LGR4: variants seen among roughly 807,000 people sequenced by gnomAD.
LGR4 encodes leucine rich repeat containing G protein-coupled receptor 4, also known as leucine-rich repeat-containing G protein-coupled receptor 4.
LGR4 carries 44 observed loss-of-function variants against 84.8 expected under a neutral mutation model. That is an observed-to-expected ratio of 0.52 (90% CI 0.41 to 0.67). LGR4 has a LOEUF of 0.67. LGR4 is among the 30% of genes least tolerant of loss of function. The pLI is 0.00. For missense variants in LGR4, 1,032 were observed against 1,131.4 expected, an observed-to-expected ratio of 0.91 and a Z score of 1.26; for synonymous variants, 429 against 434.3, an observed-to-expected ratio of 0.99 and a Z score of 0.15.
intron 1 of LGR4, among the ~76,000 whole-genome samples, chr11:27,441,923 TGACA>T (rs1298169436): frequency 6.6e-6 from 1 of 152,120 alleles, no homozygotes; most frequent in Non-Finnish European, 1.5e-5. Flanking sequence ...AGCCAGTAGA[TGACA>T]GTATTTGCGA....
chr11:27,468,644 T>C (rs574212934), intron 1 of LGR4, among the ~76,000 whole-genome samples: 36 of 151,342 alleles, frequency 2.4e-4, no homozygotes, highest in African/African-American at 8.5e-4. Flanking sequence ...GCAGCAGCCT[T>C]AGAGGTGATC....
chr11:27,421,843 A>G (rs1446191873), intron 1 of LGR4, among the ~76,000 whole-genome samples: 1 of 152,220 alleles, frequency 6.6e-6, no homozygotes, highest in African/African-American at 2.4e-5. Context: ...AAAATATAAA[A>G]TGCTCTAATT....
chr11:27,443,920 T>C (rs948699776), intron 1 of LGR4, among the ~76,000 whole-genome samples: 1 of 152,276 alleles, frequency 6.6e-6, no homozygotes, highest in African/African-American at 2.4e-5. Flanking sequence ...ATGGACAAAA[T>C]GCTCCAATGG....
chr11:27,463,612 C>T (rs1267025874), intron 1 of LGR4, among the ~76,000 whole-genome samples: 4 of 151,942 alleles, frequency 2.6e-5, no homozygotes, highest in African/African-American at 9.7e-5. Flanking sequence ...ATGGTGAAAC[C>T]CCGTCTCTAC....
chr11:27,424,463 C>G (rs865795842), intron 1 of LGR4, among the ~76,000 whole-genome samples: 1 of 152,278 alleles, frequency 6.6e-6, no homozygotes, highest in Admixed American at 6.5e-5. Context: ...GGCACCACTG[C>G]ACTCCAGCCT....
chr11:27,426,307 CA>C (rs905547764), intron 1 of LGR4, among the ~76,000 whole-genome samples: 2 of 152,198 alleles, frequency 1.3e-5, no homozygotes, highest in Admixed American at 6.5e-5. Flanking sequence ...GGGGGAAAAG[CA>C]GGAAAGAGAG....
intron 1 of LGR4, among the ~76,000 whole-genome samples, chr11:27,434,295 GAGA>G (rs1455905397): frequency 6.6e-6 from 1 of 152,164 alleles, no homozygotes; most frequent in Non-Finnish European, 1.5e-5. Flanking sequence ...ATGTAAATAA[GAGA>G]AGAATATCTC....
At position 27,372,341 on chromosome 11, in the gene LGR4, A is replaced by G. The variant is rs1193315161; in HGVS notation, c.1437T>C (p.Tyr479=). The change falls in exon 16 of 18, where the codon TAT becomes TAC. Residue 479 remains tyrosine, a synonymous_variant. Coordinates refer to ENST00000379214, the MANE Select transcript of LGR4 (RefSeq NM_018490.5). ...QCCAFWGCDS[Y]ANLNTEDNSL... ...TGTTATCTTCTGTGTTTAAATTTGCATAAGAGTCACAACCCCAAAATGCAC... is the reference window on the plus strand; with the variant it reads ...TGTTATCTTCTGTGTTTAAATTTGCGTAAGAGTCACAACCCCAAAATGCAC... 12 of 1,613,844 alleles carry G rather than the reference A, an allele frequency of 7.4e-6. No individual in the cohort carries two copies. The highest frequency in any genetic ancestry group is 2.2e-5 in the East Asian group (1 of 44,888).
rs910624511 is a variant in LGR4, at chr11:27,400,507, C to CT, written c.258-7990dup. Reference sequence around the variant, plus strand: ...TGTTGTTTTGTGTTATTTTCTTTTCCTTTTTTTTTTTTTGAGAAGGAGTCT... The same window carrying CT: ...TGTTGTTTTGTGTTATTTTCTTTTCCTTTTTTTTTTTTTTGAGAAGGAGTCT... On this transcript the variant is annotated intron_variant, in intron 2 of 17. Coordinates refer to ENST00000379214, the MANE Select transcript of LGR4 (RefSeq NM_018490.5). 6.3e-3 allele frequency among the ~76,000 whole-genome samples: 900 copies of CT among 143,812 alleles called. 8 individuals carry two copies. The highest frequency in any genetic ancestry group is 0.017 in the African/African-American group (668 of 39,444). The allele number at this position is 143,812 out of a possible 152,430, so 94.3% of individuals were successfully genotyped here. A position where few individuals can be genotyped will look rare whatever the true frequency, so the allele number is the denominator to read the frequency against.
At chr11:27,400,182 C>T (rs1590363158) in intron 2 of LGR4, among the ~76,000 whole-genome samples, 2 of 152,118 alleles carry the variant, frequency 1.3e-5, no homozygotes, top group South Asian at 2.1e-4. Flanking sequence ...ATTTAGGATG[C>T]TCAAGCGATG....
chr11:27,370,260 C>T (rs777492735), intron 17 of LGR4, among the ~76,000 whole-genome samples: 23 of 152,134 alleles, frequency 1.5e-4, no homozygotes, highest in Admixed American at 3.3e-4. Context: ...CCAAATAATA[C>T]AAGAAACTCT....
chr11:27,424,345 G>A (rs1013967677), intron 1 of LGR4, among the ~76,000 whole-genome samples: 1 of 152,154 alleles, frequency 6.6e-6, no homozygotes, highest in East Asian at 1.9e-4. Flanking sequence ...TTTGAGACAA[G>A]CCTCAGCAAC....
chr11:27,406,459 TC>T (rs1376786953), intron 2 of LGR4, among the ~76,000 whole-genome samples: 2 of 152,208 alleles, frequency 1.3e-5, no homozygotes, highest in East Asian at 3.9e-4. Context: ...ATGAAAAGCT[TC>T]GGCTCCCAAT....
At chr11:27,450,579 G>A (rs889778560) in intron 1 of LGR4, among the ~76,000 whole-genome samples, 10 of 151,944 alleles carry the variant, frequency 6.6e-5, no homozygotes, top group East Asian at 5.8e-4. Flanking sequence ...ACCTGAGGTC[G>A]GGAGTTTGAG....
intron 1 of LGR4, among the ~76,000 whole-genome samples, chr11:27,432,967 G>C (rs906680800): frequency 2.0e-5 from 3 of 152,140 alleles, no homozygotes; most frequent in African/African-American, 7.2e-5. Flanking sequence ...CAGAGCTACT[G>C]AAAGTTCACA....
Position 27,372,407 on chromosome 11 carries a change from A to C in LGR4, c.1380-9T>G, listed in dbSNP as rs1279774963. The C allele has an allele frequency of 1.3e-6, 2 of 1,519,102 alleles. No individual in the cohort carries two copies. Among genetic ancestry groups the C allele is most frequent in the African/African-American group, 2.7e-5 (2 of 72,732 alleles). 94.1% of individuals were successfully genotyped at this position (1,519,102 alleles called of 1,614,324 possible). A position where few individuals can be genotyped will look rare whatever the true frequency, so the allele number is the denominator to read the frequency against. Reference sequence around the variant, plus strand: ...ATGGTACTGATAAAGACCTGGAAAAAAAAGTTGTAAAATCTACACTGAACA... The same window carrying C: ...ATGGTACTGATAAAGACCTGGAAAACAAAGTTGTAAAATCTACACTGAACA... On this transcript the variant is annotated splice_polypyrimidine_tract_variant and intron_variant, in intron 15 of 17. Transcript: ENST00000379214.
In LGR4 at chr11:27,464,641, A is replaced by G. The variant is rs180692280; in HGVS notation, c.185+7477T>C. Among the ~76,000 whole-genome samples, 52 of 152,324 alleles carry G rather than the reference A, an allele frequency of 3.4e-4. No homozygotes were observed. The East Asian group carries it at 5.4e-3, about 16-fold the overall frequency. ...TGTGACCTGAAGCAATCCCAGGCAC[A>G]TTCCTTAGCTATGCCTAGTACAGCT... is the stretch of plus-strand genomic sequence containing the variant. On this transcript the variant is annotated intron_variant, in intron 1 of 17. Transcript: ENST00000379214.
chr11:27,472,458 C>T lies in LGR4; in HGVS notation c.-156G>A, dbSNP rs888826404. 2.4e-4 allele frequency: 108 copies of T among 440,836 alleles called. No individual in the cohort carries two copies. Among genetic ancestry groups the T allele is most frequent in the Non-Finnish European group, 3.4e-4 (92 of 269,124 alleles). The allele number at this position is 440,836 out of a possible 1,614,324, so 27.3% of individuals were successfully genotyped here. A position where few individuals can be genotyped will look rare whatever the true frequency, so the allele number is the denominator to read the frequency against. Reference sequence around the variant, plus strand: ...GGGCTCGGCCCCTTCAGCAGTCCGCCGCAGCGGCGCAGGGACGCGGCGCTC... The same window carrying T: ...GGGCTCGGCCCCTTCAGCAGTCCGCTGCAGCGGCGCAGGGACGCGGCGCTC... On this transcript the variant is annotated 5_prime_UTR_variant, in exon 1 of 18. Transcript: ENST00000379214.
intron 1 of LGR4, 138 bp downstream of exon 1, chr11:27,471,980 G>A (rs970279036): frequency 9.8e-6 from 5 of 509,200 alleles, no homozygotes; most frequent in Non-Finnish European, 8.9e-6. Context: ...GCACGCAGGT[G>A]ACCGGCGGAC....
Sources: gnomAD v4.1 joint callset for allele counts (sites outside exome capture counted in the v4.1 genomes callset) on GRCh38, gnomAD v4.1.1 for gene constraint, MANE v1.5 for transcripts, NCBI Gene and HGNC (gene_info 2026-07-23, HGNC 2026-07-21) for gene names.